The following PCDH15 variants were observed in gnomAD, a reference collection of about 807,000 sequenced individuals.
PCDH15 encodes the protein protocadherin-15.
In PCDH15, 129 loss-of-function variants were observed where a neutral mutation model predicts 178.5. The ratio of observed to expected loss-of-function variants is 0.72; its 90% CI spans 0.63 to 0.84. PCDH15 has a LOEUF of 0.84. Ranked by LOEUF, PCDH15 falls within the 40% of genes least tolerant of loss-of-function variation. The pLI is 0.00. For missense variants in PCDH15, 2,230 were observed against 2,099.9 expected, an observed-to-expected ratio of 1.06 and a Z score of -1.21; for synonymous variants, 800 against 732.0, an observed-to-expected ratio of 1.09 and a Z score of -1.50.
At chr10:55,248,628 T>C (rs1281906346) in intron 1 of PCDH15, among the ~76,000 whole-genome samples, 1 of 152,178 alleles carries the variant, frequency 6.6e-6, no homozygotes, top group Non-Finnish European at 1.5e-5. Context: ...TGGATTTCAG[T>C]GGCCTCCCTG....
At chr10:54,106,987 T>C (rs1327860935) in intron 15 of PCDH15, among the ~76,000 whole-genome samples, 1 of 152,218 alleles carries the variant, frequency 6.6e-6, no homozygotes, top group African/African-American at 2.4e-5. Context: ...TATATTTGAC[T>C]CTATGAACTT....
intron 18 of PCDH15, among the ~76,000 whole-genome samples, chr10:54,050,778 T>G (rs988412985): frequency 5.9e-5 from 9 of 152,156 alleles, no homozygotes; most frequent in African/African-American, 2.2e-4. Flanking sequence ...ACACTGTTTT[T>G]TAAATCAACT....
chr10:55,275,930 T>C (rs1336745845), intron 1 of PCDH15, among the ~76,000 whole-genome samples: 1 of 151,480 alleles, frequency 6.6e-6, no homozygotes, highest in Non-Finnish European at 1.5e-5. Flanking sequence ...TTAGCTCTTC[T>C]TCAGGTATTT....
At chr10:54,405,465 T>C (rs1423464332) in intron 3 of PCDH15, among the ~76,000 whole-genome samples, 1 of 151,966 alleles carries the variant, frequency 6.6e-6, no homozygotes, top group Non-Finnish European at 1.5e-5. Context: ...TTCTCACTTA[T>C]AAGTGGGATA....
At chr10:54,302,859 AC>A (rs1235824382) in intron 8 of PCDH15, among the ~76,000 whole-genome samples, 1 of 152,146 alleles carries the variant, frequency 6.6e-6, no homozygotes, top group Non-Finnish European at 1.5e-5. Flanking sequence ...AAGTAAAAAT[AC>A]AAAGGCCTCT....
chr10:54,059,181 A>G (rs1275364140), intron 18 of PCDH15, among the ~76,000 whole-genome samples: 1 of 152,126 alleles, frequency 6.6e-6, no homozygotes, highest in African/African-American at 2.4e-5. Flanking sequence ...GATTTATTTT[A>G]CTTAACATAA....
chr10:54,466,517 TTC>T (rs1565348862), intron 3 of PCDH15, among the ~76,000 whole-genome samples: 1 of 151,976 alleles, frequency 6.6e-6, no homozygotes, highest in African/African-American at 2.4e-5. Flanking sequence ...GACAATCTAT[TTC>T]TGTTTTATTT....
intron 2 of PCDH15, among the ~76,000 whole-genome samples, chr10:54,943,589 G>C (rs1838115285): frequency 6.6e-6 from 1 of 151,942 alleles, no homozygotes; most frequent in Non-Finnish European, 1.5e-5. Flanking sequence ...TATGGAGTAT[G>C]TTAAAGAGCA....
At chr10:54,573,524 A>C (rs530848811) in intron 2 of PCDH15, among the ~76,000 whole-genome samples, 10 of 152,294 alleles carry the variant, frequency 6.6e-5, no homozygotes, top group African/African-American at 2.2e-4. Flanking sequence ...ATTTCCCCTG[A>C]AGGTGAATTC....
chr10:54,630,262 A>T (rs1010903971), intron 2 of PCDH15, among the ~76,000 whole-genome samples: 4 of 152,194 alleles, frequency 2.6e-5, no homozygotes, highest in Non-Finnish European at 1.5e-5. Flanking sequence ...CTGTTTTCAA[A>T]TTGTATATAA....
At chr10:54,941,576 C>T (rs1378177810) in intron 2 of PCDH15, among the ~76,000 whole-genome samples, 1 of 152,004 alleles carries the variant, frequency 6.6e-6, no homozygotes, top group Non-Finnish European at 1.5e-5. Context: ...TCTGCTAACC[C>T]AGCATCTGCC....
upstream of PCDH15, among the ~76,000 whole-genome samples, chr10:54,801,458 C>T (rs139503790): frequency 6.6e-6 from 1 of 152,180 alleles, no homozygotes; most frequent in Admixed American, 6.5e-5. Flanking sequence ...ATCATCGGTA[C>T]TGGCTGCTTT....
chr10:55,603,584 A>G (rs1843137482), intron 2 of PCDH15, among the ~76,000 whole-genome samples: 2 of 151,936 alleles, frequency 1.3e-5, no homozygotes, highest in Admixed American at 6.6e-5. Context: ...AGTGGGGGCC[A>G]ATATTCAACA....
At chr10:53,865,562 T>C (rs1487316457) in intron 27 of PCDH15, among the ~76,000 whole-genome samples, 2 of 152,180 alleles carry the variant, frequency 1.3e-5, no homozygotes, top group Non-Finnish European at 2.9e-5. Context: ...TAAAAAGTGT[T>C]TACCGATCTT....
intron 2 of PCDH15, among the ~76,000 whole-genome samples, chr10:55,524,282 A>T (rs1469340154): frequency 6.6e-6 from 1 of 151,550 alleles, no homozygotes; most frequent in Non-Finnish European, 1.5e-5. Flanking sequence ...GATTTGGTAC[A>T]AAATGAAAGG....
At chr10:55,461,252 G>A (rs1415739248) in intron 2 of PCDH15, among the ~76,000 whole-genome samples, 3 of 152,076 alleles carry the variant, frequency 2.0e-5, no homozygotes, top group African/African-American at 7.2e-5. Flanking sequence ...AATTCAGGGA[G>A]CCAGTTCAGC....
intron 3 of PCDH15, among the ~76,000 whole-genome samples, chr10:54,513,171 G>A (rs965354776): frequency 7.3e-5 from 11 of 151,460 alleles, no homozygotes; most frequent in Admixed American, 7.2e-4. Context: ...GATAGTATGG[G>A]TTTTAAAATA....
At chr10:54,822,217 A>G (rs1953054379) in intron 3 of PCDH15, among the ~76,000 whole-genome samples, 1 of 152,150 alleles carries the variant, frequency 6.6e-6, no homozygotes, top group Non-Finnish European at 1.5e-5. Context: ...ATTATTATCA[A>G]CCACAATTGC....
At chr10:54,542,681 T>C (rs1372080859) in intron 2 of PCDH15, among the ~76,000 whole-genome samples, 1 of 152,158 alleles carries the variant, frequency 6.6e-6, no homozygotes, top group Non-Finnish European at 1.5e-5. Context: ...AAGTTCCAAA[T>C]GAACCTATGT....
Sources: gnomAD v4.1 joint callset for allele counts (sites outside exome capture counted in the v4.1 genomes callset) on GRCh38, gnomAD v4.1.1 for gene constraint, MANE v1.5 for transcripts, NCBI Gene and HGNC (gene_info 2026-07-23, HGNC 2026-07-21) for gene names.